Variants in NACC2 observed in about 807,000 individuals in gnomAD.
NACC2 encodes the protein nucleus accumbens-associated protein 2.
A neutral mutation model predicts 25.1 loss-of-function variants in NACC2; 8 were observed. The observed-to-expected ratio is 0.32, with a 90% confidence interval of 0.19 to 0.57. NACC2 has a LOEUF of 0.57. NACC2 is among the 20% of genes least tolerant of loss of function. NACC2 has a pLI of 0.89. For missense variants in NACC2, 644 were observed against 650.2 expected, an observed-to-expected ratio of 0.99 and a Z score of 0.10; for synonymous variants, 435 against 294.7, an observed-to-expected ratio of 1.48 and a Z score of -4.88.
At chr9:136,027,868 A>G (rs1296976002) in intron 2 of NACC2, among the ~76,000 whole-genome samples, 1 of 152,170 alleles carries the variant, frequency 6.6e-6, no homozygotes, top group African/African-American at 2.4e-5. Flanking sequence ...ATATAAATAC[A>G]TACATAAGAG....
rs181257885 is a variant in NACC2 at position 136,018,478 on chromosome 9, C to T, written c.887-2049G>A. ...AGGTGTTCCACTCCTGAGAACCATG[C>T]GGGGTCTGAAACCACCCACCCTGGA... On this transcript the variant is annotated intron_variant, in intron 2 of 5. Transcript: ENST00000277554. This position sits in a 1 kb window ranked among gnomAD's most constrained non-coding sequence, Gnocchi z 4.4. Among the ~76,000 whole-genome samples, 118 of 152,202 alleles carry T rather than the reference C, an allele frequency of 7.8e-4. No individual in the cohort carries two copies. Among genetic ancestry groups the T allele is most frequent in the Middle Eastern group, 3.4e-3 (1 of 294 alleles).
In NACC2 at chr9:136,085,082, G is replaced by A. The variant is rs1830364187; in HGVS notation, c.-60+10107C>T. The stretch of plus-strand genomic sequence containing the variant: ...AATTTTATGTATAATTAATCAGAAA[G>A]TTTTTAAAATTTGAATTTATAGCCT... On this transcript the variant is annotated intron_variant, in intron 1 of 5. Transcript: ENST00000277554. 5.0e-5 allele frequency among the ~76,000 whole-genome samples: 7 copies of A among 139,330 alleles called. No homozygotes were observed. The South Asian group carries it at 1.8e-3, about 35-fold the overall frequency. The allele number at this position is 139,330 out of a possible 152,430, so 91.4% of individuals were successfully genotyped here.
chr9:136,049,005 A>G (rs1840772701), intron 2 of NACC2, among the ~76,000 whole-genome samples: 3 of 152,216 alleles, frequency 2.0e-5, no homozygotes, highest in African/African-American at 7.2e-5. Flanking sequence ...GATCCTGGGC[A>G]CCAACTGTGG....
rs991294360 is a variant in NACC2 at position 136,046,165 on chromosome 9, G to A, written c.886+3471C>T. Among the ~76,000 whole-genome samples, 55 of 152,340 alleles carry A rather than the reference G, an allele frequency of 3.6e-4. 1 individual carries two copies. The South Asian group carries it at 0.011, about 32-fold the overall frequency. ...CTGCTCTCTGGAGGGGCTGGCCCCT[G>A]ACTCACCCCCGTGGTGGGGCGGGAA... On this transcript the variant is annotated intron_variant, in intron 2 of 5. Coordinates refer to ENST00000277554, the MANE Select transcript of NACC2 (RefSeq NM_144653.5).
intron 1 of NACC2, among the ~76,000 whole-genome samples, chr9:136,090,110 C>T (rs1216752702): frequency 6.6e-6 from 1 of 152,222 alleles, no homozygotes; most frequent in Non-Finnish European, 1.5e-5. Flanking sequence ...GATTTTTTAA[C>T]AGCACAAAAG....
chr9:136,033,461 T>C (rs1415296984), intron 2 of NACC2, among the ~76,000 whole-genome samples: 2 of 126,208 alleles, frequency 1.6e-5, no homozygotes, highest in African/African-American at 5.1e-5. Flanking sequence ...CCAGCGAACA[T>C]GGTGAAACCC....
Position 136,086,566 on chromosome 9 carries a change from C to T in NACC2, c.-60+8623G>A, listed in dbSNP as rs1830380687. 6.6e-6 allele frequency among the ~76,000 whole-genome samples: 1 copy of T among 152,210 alleles called. No individual in the cohort carries two copies. The highest frequency in any genetic ancestry group is 2.4e-5 in the African/African-American group (1 of 41,462). ...AGCCACGGTCCCACCCCGGGCTCCA[C>T]TGTGACCCACACGCTGTCATTTCCA... is the stretch of plus-strand genomic sequence containing the variant. On this transcript the variant is annotated intron_variant, in intron 1 of 5. Coordinates refer to ENST00000277554, the MANE Select transcript of NACC2 (RefSeq NM_144653.5). The surrounding 1 kb of genome is among the most constrained non-coding windows in gnomAD (Gnocchi z 5.6).
intron 1 of NACC2, among the ~76,000 whole-genome samples, chr9:136,088,413 C>T (rs1055086442): frequency 2.0e-5 from 3 of 152,160 alleles, no homozygotes; most frequent in Admixed American, 6.5e-5. Flanking sequence ...TCCAAGCCAC[C>T]GTCCACATCT....
At chr9:136,015,259 G>A (rs1482357351) in intron 3 of NACC2, among the ~76,000 whole-genome samples, 1 of 152,224 alleles carries the variant, frequency 6.6e-6, no homozygotes, top group Non-Finnish European at 1.5e-5. Context: ...GGCCCGCGTG[G>A]GCACCTGCGC....
intron 2 of NACC2, among the ~76,000 whole-genome samples, chr9:136,026,595 T>C (rs1007187510): frequency 6.6e-5 from 10 of 151,926 alleles, no homozygotes; most frequent in South Asian, 2.1e-4. Flanking sequence ...CAGGAGACAG[T>C]GAAAAGCATG....
At chr9:136,094,434 G>A (rs919687193) in intron 1 of NACC2, among the ~76,000 whole-genome samples, 2 of 152,230 alleles carry the variant, frequency 1.3e-5, no homozygotes, top group Admixed American at 6.5e-5. Context: ...AAGAGAAGCA[G>A]GAAACTCCGT....
At chr9:136,068,809 T>C (rs1265231570) in intron 1 of NACC2, among the ~76,000 whole-genome samples, 1 of 150,854 alleles carries the variant, frequency 6.6e-6, no homozygotes, top group African/African-American at 2.5e-5. Context: ...AAACAAAAGA[T>C]AGAACAGAAT....
At chr9:136,014,120 G>T in intron 3 of NACC2, 151 bp from the exon 4 acceptor site, 1 of 621,570 alleles carries the variant, frequency 1.6e-6, no homozygotes, top group Non-Finnish European at 2.8e-6. Context: ...GCAATTTGAG[G>T]TCCCACCTGC....
intron 1 of NACC2, among the ~76,000 whole-genome samples, chr9:136,093,550 T>C (rs1402593214): frequency 6.6e-6 from 1 of 152,206 alleles, no homozygotes; most frequent in Non-Finnish European, 1.5e-5. Context: ...AAAGGATCCC[T>C]GGCCACTAAG....
At chr9:136,040,686 G>A (rs888187167) in intron 2 of NACC2, among the ~76,000 whole-genome samples, 3 of 152,188 alleles carry the variant, frequency 2.0e-5, no homozygotes, top group Admixed American at 6.5e-5. Flanking sequence ...ATGGCCAGGC[G>A]CAGTGGCTCA....
intron 1 of NACC2, among the ~76,000 whole-genome samples, chr9:136,064,608 A>C (rs1841058087): frequency 6.6e-6 from 1 of 152,192 alleles, no homozygotes; most frequent in Non-Finnish European, 1.5e-5. Flanking sequence ...ACATTATTAA[A>C]GTCTTCCTTA....
rs950667565 is a variant in NACC2, at chr9:136,038,883, C to T, written c.886+10753G>A. Among the ~76,000 whole-genome samples the T allele has an allele frequency of 7.9e-3, 1,207 of 152,152 alleles. 16 individuals carry two copies. The highest frequency in any genetic ancestry group is 0.027 in the African/African-American group (1,127 of 41,516). On this transcript the variant is annotated intron_variant, in intron 2 of 5. Coordinates refer to ENST00000277554, the MANE Select transcript of NACC2 (RefSeq NM_144653.5). ...GAAGCAGGAATAGCTAGTAAGCAAT[C>T]GTGGAGCTAAAAACGATCATATTCA...
chr9:136,078,187 T>A (rs1240071156), intron 1 of NACC2, among the ~76,000 whole-genome samples: 1 of 152,064 alleles, frequency 6.6e-6, no homozygotes, highest in Non-Finnish European at 1.5e-5. Flanking sequence ...CAAACCCTCA[T>A]CCCCAAGGCC....
chr9:136,013,767 A>T lies in NACC2; in HGVS notation c.1157+97T>A. 1.8e-6 allele frequency: 2 copies of T among 1,124,246 alleles called. No homozygotes were observed. Among genetic ancestry groups the T allele is most frequent in the Non-Finnish European group, 2.5e-6 (2 of 786,470 alleles). The allele number at this position is 1,124,246 out of a possible 1,614,324, so 69.6% of individuals were successfully genotyped here. Reference sequence around the variant, plus strand: ...AAGTCAGGAATGCGAGAGGGCTTTCAATGCCACAACCCTGGACGATCAGAC... The same window carrying T: ...AAGTCAGGAATGCGAGAGGGCTTTCTATGCCACAACCCTGGACGATCAGAC... On this transcript the variant is annotated intron_variant, in intron 4 of 5. Coordinates refer to ENST00000277554, the MANE Select transcript of NACC2 (RefSeq NM_144653.5). This position sits in a 1 kb window ranked among gnomAD's most constrained non-coding sequence, Gnocchi z 6.6.
Sources: allele counts gnomAD v4.1 joint callset (sites outside exome capture counted in the v4.1 genomes callset), GRCh38; gene constraint gnomAD v4.1.1; non-coding constraint Gnocchi (gnomAD v3.1); transcripts MANE v1.5; gene names NCBI Gene and HGNC (gene_info 2026-07-23, HGNC 2026-07-21).